FAHD2B: variants seen among roughly 807,000 people sequenced by gnomAD.
The protein encoded by FAHD2B is oxaloacetate tautomerase FAHD2B, mitochondrial.
A neutral mutation model predicts 33.7 loss-of-function variants in FAHD2B; 26 were observed. The observed-to-expected ratio is 0.77, with a 90% confidence interval of 0.57 to 1.07. The LOEUF is 1.07. FAHD2B is among the 50% of genes least tolerant of loss of function. The pLI is 0.00. For missense variants in FAHD2B, 272 were observed against 388.1 expected (o/e 0.70, Z 2.51); for synonymous variants, 108 against 150.9 (o/e 0.72, Z 2.08).
intron 5 of FAHD2B, 25 bp from the exon 6 acceptor site, chr2:97,085,886 T>C (rs956746754): frequency 2.5e-6 from 4 of 1,613,504 alleles, no homozygotes; most frequent in Non-Finnish European, 8.5e-7. Flanking sequence ...GATTTGGCCA[T>C]ACAGGAGGTT....
downstream of FAHD2B, chr2:97,083,399 C>T: frequency 6.8e-7 from 1 of 1,468,952 alleles, no homozygotes; most frequent in Non-Finnish European, 9.0e-7. Flanking sequence ...CCCTTGCCAT[C>T]TCTTGCTTTT....
In FAHD2B at chr2:97,085,823, C is replaced by A; in HGVS notation, c.561G>T (p.Val187=). Residue 187 remains valine (V), a synonymous_variant, in exon 6 of 9, where the codon GTG becomes GTT. Transcript: ENST00000414820. The stretch of plus-strand genomic sequence containing the variant: ...AGTCACGAGCACTCACGTCATGAGC[C>A]ACAGTGAAGCCGGCCACGTGGGCCA... ...DAMAHVAGFT[V]AHDVSARDWL... is the part of the protein sequence containing the mutation. 3 of 1,613,880 alleles carry A rather than the reference C, an allele frequency of 1.9e-6. No homozygotes were observed. The highest frequency in any genetic ancestry group is 2.5e-6 in the Non-Finnish European group (3 of 1,179,860).
At chr2:97,082,361 G>C (rs1444287039), downstream of FAHD2B, 1 of 1,611,860 alleles carries the variant, frequency 6.2e-7, no homozygotes, top group African/African-American at 1.3e-5. Context: ...GGCTGTGTCT[G>C]TGCTGGGTGC....
Position 97,086,210 on chromosome 2 carries a change from G to A in FAHD2B, c.463-12C>T, listed in dbSNP as rs375321777. 108 of 1,610,556 alleles carry A rather than the reference G, an allele frequency of 6.7e-5. No homozygotes were observed. Among genetic ancestry groups the A allele is most frequent in the Non-Finnish European group, 8.0e-5 (94 of 1,178,704 alleles). On this transcript the variant is annotated splice_polypyrimidine_tract_variant and intron_variant, in intron 4 of 8. Coordinates refer to ENST00000414820, the MANE Select transcript of FAHD2B (RefSeq NM_001320848.2). ...TCCCAATCTACCTCCTGTAGGGTGGGAGAGGAATAGTGAGCCGCAGTGGCT... is the reference window on the plus strand; with the variant it reads ...TCCCAATCTACCTCCTGTAGGGTGGAAGAGGAATAGTGAGCCGCAGTGGCT...
downstream of FAHD2B, chr2:97,082,709 C>A: frequency 6.3e-7 from 1 of 1,587,860 alleles, no homozygotes; most frequent in Non-Finnish European, 8.6e-7. Context: ...CCAGAGTGTG[C>A]GGACCCAAAG....
intron 4 of FAHD2B, chr2:97,086,425 C>T (rs528588688): frequency 1.7e-5 from 10 of 572,368 alleles, no homozygotes; most frequent in Admixed American, 1.2e-4. Context: ...GGTCCCCACA[C>T]CACTGTGACT....
downstream of FAHD2B, among the ~76,000 whole-genome samples, chr2:97,078,943 T>A (rs890232523): frequency 1.3e-5 from 2 of 152,032 alleles, no homozygotes; most frequent in Non-Finnish European, 2.9e-5. Context: ...GGCCCCAGTG[T>A]GCATTGTTCC....
At chr2:97,085,535 G>C (rs1451682372) in intron 6 of FAHD2B, among the ~76,000 whole-genome samples, 164 bp downstream of exon 6, 2 of 152,136 alleles carry the variant, frequency 1.3e-5, no homozygotes, top group African/African-American at 4.8e-5. Flanking sequence ...GAAGCCCATG[G>C]GAGAACTGGT....
chr2:97,093,471 CTTTTT>C (rs34927915), intron 1 of FAHD2B, among the ~76,000 whole-genome samples: 3 of 92,104 alleles, frequency 3.3e-5, no homozygotes, highest in Admixed American at 1.2e-4. Flanking sequence ...TGATTTAATT[CTTTTT>C]TTTTTTTTTT....
chr2:97,085,814 G>A lies in FAHD2B; in HGVS notation c.570C>T (p.Asp190=), dbSNP rs141493521. The change falls in exon 6 of 9, where the codon GAC becomes GAT. Residue 190 remains aspartate, a synonymous_variant. Transcript: ENST00000414820. ...AHVAGFTVAH[D]VSARDWLTRR... is the part of the protein sequence containing the mutation. The stretch of plus-strand genomic sequence containing the variant: ...TTGTTAGCCAGTCACGAGCACTCAC[G>A]TCATGAGCCACAGTGAAGCCGGCCA... 6.1e-4 allele frequency: 991 copies of A among 1,613,872 alleles called. 13 individuals are homozygous for A. In the Middle Eastern group the frequency reaches 9.1e-3, roughly 15 times the overall value.
downstream of FAHD2B, among the ~76,000 whole-genome samples, chr2:97,079,961 A>G (rs1204580173): frequency 6.6e-6 from 1 of 151,996 alleles, no homozygotes; most frequent in Non-Finnish European, 1.5e-5. Flanking sequence ...CACCATGCCC[A>G]GCCAAGTTTC....
chr2:97,087,447 CA>C (rs1457524604), intron 4 of FAHD2B, among the ~76,000 whole-genome samples: 4 of 152,044 alleles, frequency 2.6e-5, no homozygotes, highest in African/African-American at 4.8e-5. Context: ...CCCATAATCC[CA>C]GCACTTTGGG....
chr2:97,081,711 C>T (rs1161199855), downstream of FAHD2B, among the ~76,000 whole-genome samples: 2 of 148,704 alleles, frequency 1.3e-5, no homozygotes, highest in African/African-American at 5.2e-5. Context: ...ACCTATGCCC[C>T]GGTTCTGTGT....
chr2:97,087,279 C>T (rs1307167319), intron 4 of FAHD2B, among the ~76,000 whole-genome samples: 1 of 152,066 alleles, frequency 6.6e-6, no homozygotes, highest in African/African-American at 2.4e-5. Flanking sequence ...TCTTGATCTC[C>T]TGAACTCGTG....
At chr2:97,090,390 G>A (rs2153383496) in intron 3 of FAHD2B, 65 bp from the exon 4 acceptor site, 1 of 1,471,568 alleles carries the variant, frequency 6.8e-7, no homozygotes, top group Non-Finnish European at 9.0e-7. Context: ...GGGCAGGCTG[G>A]GCAGATCCTG....
intron 6 of FAHD2B, among the ~76,000 whole-genome samples, chr2:97,085,472 G>A (rs1157015073): frequency 8.6e-5 from 13 of 151,900 alleles, no homozygotes; most frequent in East Asian, 1.9e-4. Context: ...TTTACTTCAC[G>A]CATGCAGTTT....
At chr2:97,079,149 C>T (rs571518730), downstream of FAHD2B, among the ~76,000 whole-genome samples, 56 of 152,228 alleles carry the variant, frequency 3.7e-4, 1 homozygote, top group Admixed American at 8.5e-4. Context: ...ATATATACCA[C>T]ATTTTCTTTA....
downstream of FAHD2B, chr2:97,082,158 G>A (rs1185383097): frequency 1.7e-5 from 26 of 1,544,768 alleles, 2 homozygotes; most frequent in Admixed American, 2.0e-4. Context: ...GTAGGGAGGT[G>A]GTGGGGAGCT....
downstream of FAHD2B, chr2:97,081,044 G>A: frequency 1.4e-6 from 2 of 1,425,586 alleles, no homozygotes; most frequent in Non-Finnish European, 1.8e-6. Flanking sequence ...GAGGTGGGAT[G>A]TGTGTGCAGT....
Sources: gnomAD v4.1 joint callset for allele counts (sites outside exome capture counted in the v4.1 genomes callset) on GRCh38, gnomAD v4.1.1 for gene constraint, MANE v1.5 for transcripts, NCBI Gene and HGNC (gene_info 2026-07-23, HGNC 2026-07-21) for gene names.